Variants in SHF observed in about 807,000 individuals in gnomAD.
SHF encodes SH2 domain-containing adapter protein F.
Under a neutral mutation model 42.4 loss-of-function variants are expected in SHF, and 30 were observed. That is an observed-to-expected ratio of 0.71 (90% CI 0.53 to 0.96). The LOEUF (loss-of-function observed/expected upper bound fraction) is 0.96. SHF is among the 40% of genes least tolerant of loss of function. The pLI is 0.00. For missense variants in SHF, 598 were observed against 634.0 expected (o/e 0.94, Z 0.61); for synonymous variants, 264 against 269.9 (o/e 0.98, Z 0.21).
At chr15:45,175,027 T>C (rs1356659987) in intron 3 of SHF, among the ~76,000 whole-genome samples, 192 bp downstream of exon 3, 1 of 152,074 alleles carries the variant, frequency 6.6e-6, no homozygotes, top group Non-Finnish European at 1.5e-5. Context: ...CCTGTACCCA[T>C]TCCTTGACCC....
At chr15:45,186,233 C>A (rs1008239144) in intron 1 of SHF, among the ~76,000 whole-genome samples, 3 of 152,354 alleles carry the variant, frequency 2.0e-5, no homozygotes, top group Admixed American at 6.5e-5. Context: ...GGCAGCCATG[C>A]CCCATGGCAA....
At chr15:45,196,458 A>G (rs539525060) in intron 2 of SHF, among the ~76,000 whole-genome samples, 2 of 152,358 alleles carry the variant, frequency 1.3e-5, no homozygotes, top group African/African-American at 4.8e-5. Flanking sequence ...AACATCTGGT[A>G]CAACTGGTGG....
At position 45,186,120 on chromosome 15, in the gene SHF, C is replaced by T. The variant is rs1898382001; in HGVS notation, c.498+1334G>A. Among the ~76,000 whole-genome samples the T allele has an allele frequency of 2.6e-5, 4 of 152,246 alleles. 1 individual carries two copies. The South Asian group carries it at 8.3e-4, about 31-fold the overall frequency. Reference sequence around the variant, plus strand: ...CTCCTCTGTCTCACTGTCACTACCTCCATCACATCACACAATAGCAGGGGA... The same window carrying T: ...CTCCTCTGTCTCACTGTCACTACCTTCATCACATCACACAATAGCAGGGGA... On this transcript the variant is annotated intron_variant, in intron 1 of 6. Coordinates refer to ENST00000690270, the MANE Select transcript of SHF (RefSeq NM_001394037.1).
intron 2 of SHF, among the ~76,000 whole-genome samples, chr15:45,195,677 C>T (rs555265081): frequency 1.3e-5 from 2 of 152,324 alleles, no homozygotes; most frequent in Admixed American, 1.3e-4. Flanking sequence ...CTTGTTTCCC[C>T]TCTTAACCTC....
At chr15:45,193,256 C>A (rs1216239728) in intron 2 of SHF, among the ~76,000 whole-genome samples, 1 of 152,212 alleles carries the variant, frequency 6.6e-6, no homozygotes, top group Non-Finnish European at 1.5e-5. Context: ...GCTAAGGATG[C>A]ACACATGACA....
At chr15:45,184,118 GCTGTGTCC>G (rs1362716542) in intron 1 of SHF, among the ~76,000 whole-genome samples, 23 of 152,324 alleles carry the variant, frequency 1.5e-4, no homozygotes, top group African/African-American at 5.5e-4. Context: ...TCTTCCAGGT[GCTGTGTCC>G]CTTTCAGCGC....
chr15:45,196,893 T>C (rs1450093449), intron 2 of SHF, among the ~76,000 whole-genome samples: 17 of 101,276 alleles, frequency 1.7e-4, no homozygotes, highest in East Asian at 3.3e-4. Context: ...AGAGCAAGAC[T>C]CCGTCTCAAA....
intron 2 of SHF, chr15:45,198,652 A>C (rs1223377944): frequency 1.6e-6 from 2 of 1,277,828 alleles, no homozygotes; most frequent in Non-Finnish European, 2.1e-6. Context: ...CACAACGCAG[A>C]GTACTAACCA....
chr15:45,194,794 T>C (rs1332714414), intron 2 of SHF, among the ~76,000 whole-genome samples: 1 of 152,200 alleles, frequency 6.6e-6, no homozygotes, highest in African/African-American at 2.4e-5. Flanking sequence ...CTCCTTTTAG[T>C]TGGGAATGGT....
intron 1 of SHF, among the ~76,000 whole-genome samples, chr15:45,186,587 C>T (rs1898416957): frequency 6.6e-6 from 1 of 152,220 alleles, no homozygotes; most frequent in African/African-American, 2.4e-5. Context: ...CAGGGCAGGG[C>T]CCTGAGGCAT....
At chr15:45,186,364 C>A (rs554314595) in intron 1 of SHF, among the ~76,000 whole-genome samples, 1 of 152,366 alleles carries the variant, frequency 6.6e-6, no homozygotes, top group South Asian at 2.1e-4. Context: ...ATCCTGGAGC[C>A]AACGGATTCG....
chr15:45,199,834 G>C (rs1311387156), intron 1 of SHF: 2 of 151,830 alleles, frequency 1.3e-5, no homozygotes, highest in Non-Finnish European at 2.9e-5. Flanking sequence ...GGTGCCTGTA[G>C]TCCCAGCTAC....
At chr15:45,200,903 A>G (rs754967131) in exon 1 of SHF, 1 of 454,480 alleles carries the variant, frequency 2.2e-6, no homozygotes, top group South Asian at 1.5e-5. Context: ...ACATCATTGC[A>G]GGCCCGGCCT....
rs1361680441 is a variant in SHF at position 45,187,845 on chromosome 15, C to A, written c.107G>T (p.Gly36Val). 3.8e-6 allele frequency: 4 copies of A among 1,041,948 alleles called. No homozygotes were observed. The African/African-American group carries it at 5.0e-5, about 13-fold the overall frequency. The allele number at this position is 1,041,948 out of a possible 1,614,324, so 64.5% of individuals were successfully genotyped here. A position where few individuals can be genotyped will look rare whatever the true frequency, so the allele number is the denominator to read the frequency against. Residue 36 changes from glycine to valine, a missense_variant, in exon 1 of 7, where the codon GGA (glycine) becomes GTA (valine). Physicochemically the swap from Gly to Val is moderately radical, Grantham distance 109 (BLOSUM62 -3). Around this residue, in one of 2 missense-constraint regions of SHF, gnomAD observed 159 missense variants for 109.3 expected, o/e 1.45. Transcript: ENST00000690270. ...GCTGCCGCCCCCTCCTGGGCCGGCT[C>A]CCGCACCCCCGGCGCCCCGGCGGGA... ...GGSRRGAGGA[G>V]AGPGGGGSGG...
At position 45,171,883 on chromosome 15, in the gene SHF, T is replaced by C; in HGVS notation, c.1280A>G (p.Lys427Arg). The C allele has an allele frequency of 6.2e-7, 1 of 1,612,774 alleles. No individual in the cohort carries two copies. The highest frequency in any genetic ancestry group is 8.5e-7 in the Non-Finnish European group (1 of 1,179,572). Residue 427 changes from lysine to arginine, a missense_variant and splice_region_variant, in exon 6 of 7, where the codon AAG becomes AGG. Coordinates refer to ENST00000690270, the MANE Select transcript of SHF (RefSeq NM_001394037.1). ...TSKNDFSLSL[K>R]SSQGFMHMKL... is the part of the protein sequence containing the mutation. ...TGAAACCACAACTGTCCCCACTCAC[T>C]TGAGGGAGAGGGAGAAGTCATTCTT...
Position 45,167,920 on chromosome 15 carries a change from G to A in SHF, c.*27C>T, listed in dbSNP as rs1291733974. On this transcript the variant is annotated 3_prime_UTR_variant, in exon 7 of 7. Coordinates refer to ENST00000690270, the MANE Select transcript of SHF (RefSeq NM_001394037.1). ...GTGATGGGCACAGGGCTGGGTACAG[G>A]TCTATCACAGTGCCCTGGCTTCACA... The A allele has an allele frequency of 3.2e-6, 5 of 1,567,202 alleles. No individual in the cohort carries two copies. Among genetic ancestry groups the A allele is most frequent in the South Asian group, 1.2e-5 (1 of 82,276 alleles).
chr15:45,185,854 G>A (rs1441785682), intron 1 of SHF, among the ~76,000 whole-genome samples: 1 of 152,246 alleles, frequency 6.6e-6, no homozygotes. Flanking sequence ...TCACCATTCA[G>A]GACATATTTA....
upstream of SHF, among the ~76,000 whole-genome samples, chr15:45,192,904 G>A (rs939489317): frequency 6.6e-6 from 1 of 152,158 alleles, no homozygotes; most frequent in African/African-American, 2.4e-5. Context: ...CACTACATAG[G>A]GGATGTTGTG....
chr15:45,181,813 G>A (rs1186341753), intron 1 of SHF, among the ~76,000 whole-genome samples: 1 of 152,082 alleles, frequency 6.6e-6, no homozygotes, highest in African/African-American at 2.4e-5. Context: ...AAACCACGGC[G>A]GAGGGGTGAA....
Sources: allele counts gnomAD v4.1 joint callset (sites outside exome capture counted in the v4.1 genomes callset), GRCh38; gene constraint gnomAD v4.1.1; regional missense constraint gnomAD v4.1.1; transcripts MANE v1.5; gene names NCBI Gene and HGNC (gene_info 2026-07-23, HGNC 2026-07-21).